PTK7: variants seen among roughly 807,000 people sequenced by gnomAD.
PTK7 encodes protein tyrosine kinase 7 (inactive).
In PTK7, 39 loss-of-function variants were observed where a neutral mutation model predicts 116.6. The observed-to-expected ratio is 0.33, with a 90% confidence interval of 0.26 to 0.44. PTK7 has a LOEUF of 0.44. Ranked by LOEUF, PTK7 falls within the 20% of genes least tolerant of loss-of-function variation. The probability of loss-of-function intolerance (pLI) is 1.00; values close to 1 mark genes in which losing one functional copy is unlikely to be tolerated. For missense variants in PTK7, 1,169 were observed against 1,425.6 expected (o/e 0.82, Z 2.90); for synonymous variants, 546 against 563.6 (o/e 0.97, Z 0.44).
In PTK7 at chr6:43,144,252, T is replaced by A. The variant is rs1013993952; in HGVS notation, c.2252-199T>A. On this transcript the variant is annotated intron_variant, in intron 14 of 19. Coordinates refer to ENST00000230419, the MANE Select transcript of PTK7 (RefSeq NM_002821.5). The stretch of plus-strand genomic sequence containing the variant: ...CATAATCAGCTGCATCACTAAGGGG[T>A]CATACCCTAGGGGATAGCCATACAT... The A allele has an allele frequency of 9.7e-6, 6 of 619,602 alleles. No individual in the cohort carries two copies. The African/African-American group carries it at 1.1e-4, about 11-fold the overall frequency. 38.4% of individuals were successfully genotyped at this position (619,602 alleles called of 1,614,324 possible).
At chr6:43,133,491 T>C (rs1306448212) in intron 7 of PTK7, 1 of 152,202 alleles carries the variant, frequency 6.6e-6, no homozygotes, top group African/African-American at 2.4e-5. Flanking sequence ...GAAAATTGCT[T>C]GAACCCAGGA....
chr6:43,096,557 C>A (rs913752570), intron 1 of PTK7, among the ~76,000 whole-genome samples: 1 of 152,246 alleles, frequency 6.6e-6, no homozygotes, highest in African/African-American at 2.4e-5. Flanking sequence ...CTCACACTTT[C>A]CTCTGCCCTG....
At chr6:43,094,805 TGGCCAGGCCACGGTGGCTCACCTGA>T (rs1312063277) in intron 1 of PTK7, among the ~76,000 whole-genome samples, 9 of 151,858 alleles carry the variant, frequency 5.9e-5, no homozygotes, top group African/African-American at 1.7e-4. Context: ...AATAGATTGC[TGGCCAGGCCACGGTGGCTCACCTGA>T]GGTCAGGAGT....
chr6:43,112,067 AGT>A (rs1398684888), intron 1 of PTK7, among the ~76,000 whole-genome samples: 1 of 151,976 alleles, frequency 6.6e-6, no homozygotes, highest in African/African-American at 2.4e-5. Context: ...TAAGTGAGGG[AGT>A]GTATTTGAAT....
chr6:43,105,524 A>G (rs949505676), intron 1 of PTK7, among the ~76,000 whole-genome samples: 14 of 151,912 alleles, frequency 9.2e-5, no homozygotes, highest in East Asian at 7.7e-4. Context: ...CCCAAAATAC[A>G]TGTTGAAGTC....
chr6:43,076,411 C>A lies in PTK7; in HGVS notation c.-78C>A, dbSNP rs1582036114. The A allele has an allele frequency of 1.6e-6, 2 of 1,231,918 alleles. No homozygotes were observed. The highest frequency in any genetic ancestry group is 2.1e-6 in the Non-Finnish European group (2 of 945,338). The allele number at this position is 1,231,918 out of a possible 1,614,324, so 76.3% of individuals were successfully genotyped here. On this transcript the variant is annotated 5_prime_UTR_variant, in exon 1 of 20. Transcript: ENST00000230419. This position sits in a 1 kb window ranked among gnomAD's most constrained non-coding sequence, Gnocchi z 5.7. ...TGCGGCGCCCGCGCTCCGGTGCGCTCCGCCTCCTGTGCCCGCCGCGGAGCG... is the reference window on the plus strand; with the variant it reads ...TGCGGCGCCCGCGCTCCGGTGCGCTACGCCTCCTGTGCCCGCCGCGGAGCG...
chr6:43,151,537 T>G (rs1383868880), intron 17 of PTK7, among the ~76,000 whole-genome samples: 3 of 143,484 alleles, frequency 2.1e-5, no homozygotes, highest in Non-Finnish European at 4.6e-5. Flanking sequence ...GTTTTTTGTT[T>G]TTTTTTTTTT....
chr6:43,148,225 C>T (rs1270608081), intron 17 of PTK7, among the ~76,000 whole-genome samples: 1 of 151,170 alleles, frequency 6.6e-6, no homozygotes, highest in Non-Finnish European at 1.5e-5. Flanking sequence ...TGCACTCCAG[C>T]CTGGGCAACA....
intron 1 of PTK7, among the ~76,000 whole-genome samples, chr6:43,105,450 C>CAAAAAA (rs34623759): frequency 5.4e-5 from 5 of 93,410 alleles, no homozygotes; most frequent in African/African-American, 1.2e-4. Context: ...AACTGTATAG[C>CAAAAAA]AAAAAAAAAA....
chr6:43,154,567 T>C (rs1478420687), intron 17 of PTK7, among the ~76,000 whole-genome samples: 2 of 152,248 alleles, frequency 1.3e-5, no homozygotes, highest in African/African-American at 4.8e-5. Context: ...TTTTTTTCTT[T>C]AATGCTGGCT....
intron 1 of PTK7, among the ~76,000 whole-genome samples, chr6:43,079,357 C>G (rs1404314639): frequency 3.3e-5 from 5 of 152,068 alleles, no homozygotes; most frequent in African/African-American, 1.2e-4. Context: ...GTCCCAGCTA[C>G]TCGGGAGGCT....
chr6:43,107,861 A>T (rs1198088532), intron 1 of PTK7, among the ~76,000 whole-genome samples: 1 of 152,226 alleles, frequency 6.6e-6, no homozygotes, highest in Non-Finnish European at 1.5e-5. Flanking sequence ...TCTGCCATGG[A>T]GGAGACCAAG....
At chr6:43,091,041 G>C (rs774420098) in intron 1 of PTK7, among the ~76,000 whole-genome samples, 1 of 152,048 alleles carries the variant, frequency 6.6e-6, no homozygotes, top group Non-Finnish European at 1.5e-5. Context: ...CCCCCTCCTT[G>C]CTCCCCGCTT....
chr6:43,115,467 C>T (rs1304935509), intron 1 of PTK7, among the ~76,000 whole-genome samples: 1 of 152,142 alleles, frequency 6.6e-6, no homozygotes, highest in Non-Finnish European at 1.5e-5. Context: ...CCTAATAACA[C>T]TGGGCTGGCT....
chr6:43,102,336 A>C (rs557932961), intron 1 of PTK7, among the ~76,000 whole-genome samples: 185 of 152,240 alleles, frequency 1.2e-3, no homozygotes, highest in African/African-American at 4.3e-3. Context: ...TAGACAGGAG[A>C]ATTGCTTGAA....
rs1582162590 is a variant in PTK7 at position 43,132,143 on chromosome 6, G to A, written c.940G>A (p.Glu314Lys). 1 of 1,611,442 alleles carries A rather than the reference G, an allele frequency of 6.2e-7. No homozygotes were observed. Among genetic ancestry groups the A allele is most frequent in the South Asian group, 1.1e-5 (1 of 90,944 alleles). Residue 314 changes from glutamate (E) to lysine (K), a missense_variant, in exon 6 of 20, where the codon GAA (glutamate) becomes AAA (lysine). Physicochemically the swap from Glu to Lys is moderately conservative, Grantham distance 56 (BLOSUM62 1). Coordinates refer to ENST00000230419, the MANE Select transcript of PTK7 (RefSeq NM_002821.5). Reference protein sequence around the residue: ...QGQRGPPIILEATLHLAEIED... With the variant: ...QGQRGPPIILKATLHLAEIED... ...GCAGAGGGGCCCACCCATCATCCTGGAAGCCACACTTCACCTAGCAGGTGA... is the reference window on the plus strand; with the variant it reads ...GCAGAGGGGCCCACCCATCATCCTGAAAGCCACACTTCACCTAGCAGGTGA...
intron 17 of PTK7, among the ~76,000 whole-genome samples, chr6:43,151,931 G>T (rs1448791975): frequency 5.6e-5 from 8 of 144,142 alleles, no homozygotes; most frequent in African/African-American, 1.3e-4. Flanking sequence ...TGCAAGCTCC[G>T]CCTCCCGGGT....
At chr6:43,159,766 C>A in intron 18 of PTK7, 22 bp from the exon 19 acceptor site, 1 of 1,613,974 alleles carries the variant, frequency 6.2e-7, no homozygotes, top group Non-Finnish European at 8.5e-7. Context: ...CACCTCACCC[C>A]TGGGTTGCTT....
rs1167044564 is a variant in PTK7, at chr6:43,132,854, G to A, written c.1228+167G>A. 8 of 960,980 alleles carry A rather than the reference G, an allele frequency of 8.3e-6. No homozygotes were observed. The African/African-American group carries it at 1.3e-4, about 16-fold the overall frequency. 59.5% of individuals were successfully genotyped at this position (960,980 alleles called of 1,614,324 possible). On this transcript the variant is annotated intron_variant, in intron 7 of 19. Transcript: ENST00000230419. ...AGTCGGTGTAGACAGTAGAGAGCCA[G>A]GCACAGGGGTTAGGGTGGGTGCTCC...
Sources: allele counts gnomAD v4.1 joint callset (sites outside exome capture counted in the v4.1 genomes callset), GRCh38; gene constraint gnomAD v4.1.1; non-coding constraint Gnocchi (gnomAD v3.1); transcripts MANE v1.5; gene names NCBI Gene and HGNC (gene_info 2026-07-23, HGNC 2026-07-21).